NALCN: variants seen among roughly 807,000 people sequenced by gnomAD.
NALCN encodes the protein sodium leak channel NALCN.
NALCN carries 111 observed loss-of-function variants against 225.3 expected under a neutral mutation model. The observed-to-expected ratio is 0.49, with a 90% CI of 0.42 to 0.58. The LOEUF (loss-of-function observed/expected upper bound fraction) is 0.58, where lower values mean the gene tolerates loss of function less well. Ranked by LOEUF, NALCN falls within the 20% of genes least tolerant of loss-of-function variation. NALCN has a pLI of 0.00. For synonymous variants in NALCN, 764 were observed against 769.0 expected, an observed-to-expected ratio of 0.99 and a Z score of 0.11; for missense variants, 1,378 against 2,202.4, an observed-to-expected ratio of 0.63 and a Z score of 7.49.
chr13:101,066,854 A>G (rs1265516373), intron 39 of NALCN, among the ~76,000 whole-genome samples: 2 of 151,994 alleles, frequency 1.3e-5, no homozygotes, highest in Non-Finnish European at 2.9e-5. Flanking sequence ...AACTATTTCC[A>G]GATCTCGCCC....
chr13:101,280,704 C>T (rs932984505), intron 10 of NALCN, among the ~76,000 whole-genome samples: 7 of 152,088 alleles, frequency 4.6e-5, no homozygotes, highest in Admixed American at 4.6e-4. Flanking sequence ...GGCTAGGAGC[C>T]ATAAGACCCA....
intron 7 of NALCN, among the ~76,000 whole-genome samples, chr13:101,344,928 A>C (rs1244806381): frequency 6.6e-6 from 1 of 152,192 alleles, no homozygotes; most frequent in Non-Finnish European, 1.5e-5. Context: ...TATGAAAGGA[A>C]ACCAAATTTT....
chr13:101,345,166 C>T, intron 7 of NALCN, 100 bp downstream of exon 7: 1 of 1,224,222 alleles, frequency 8.2e-7, no homozygotes, highest in South Asian at 1.5e-5. Context: ...TTCTATACTA[C>T]AGCCAGTCAA....
At chr13:101,201,734 A>G (rs549162597) in intron 13 of NALCN, among the ~76,000 whole-genome samples, 79 of 152,192 alleles carry the variant, frequency 5.2e-4, no homozygotes, top group Non-Finnish European at 1.1e-3. Context: ...AAAATGTTAA[A>G]ATGTGGTGGG....
chr13:101,164,363 C>G (rs1452142654), intron 15 of NALCN, among the ~76,000 whole-genome samples: 1 of 152,150 alleles, frequency 6.6e-6, no homozygotes, highest in African/African-American at 2.4e-5. Context: ...ACAATCACAG[C>G]TCACTGCAGC....
intron 7 of NALCN, among the ~76,000 whole-genome samples, chr13:101,308,245 C>T (rs542116941): frequency 1.1e-4 from 16 of 152,260 alleles, no homozygotes; most frequent in East Asian, 3.9e-4. Flanking sequence ...TCTTCCTGGG[C>T]GCATGGCTGC....
intron 28 of NALCN, among the ~76,000 whole-genome samples, chr13:101,090,549 G>A (rs1165083316): frequency 6.6e-6 from 1 of 152,072 alleles, no homozygotes; most frequent in African/African-American, 2.4e-5. Flanking sequence ...GGCAAGAGGT[G>A]TTTGCTTGTA....
At chr13:101,304,758 CTT>C (rs769247590) in intron 7 of NALCN, among the ~76,000 whole-genome samples, 6 of 122,800 alleles carry the variant, frequency 4.9e-5, no homozygotes, top group Non-Finnish European at 6.5e-5. Flanking sequence ...TTTTTCTTTT[CTT>C]TTTTTTTTTT....
intron 12 of NALCN, among the ~76,000 whole-genome samples, chr13:101,232,578 T>A (rs1429197093): frequency 6.6e-6 from 1 of 151,840 alleles, no homozygotes; most frequent in Non-Finnish European, 1.5e-5. Context: ...CCCGAGTAGC[T>A]GGGACTACAG....
chr13:101,083,372 A>G (rs771409111), intron 31 of NALCN, among the ~76,000 whole-genome samples, 174 bp from the exon 32 acceptor site: 2 of 152,224 alleles, frequency 1.3e-5, no homozygotes, highest in Non-Finnish European at 2.9e-5. Flanking sequence ...TCAAAACGAC[A>G]GTGCATGATG....
At position 101,292,461 on chromosome 13, in the gene NALCN, T is replaced by A. The variant is rs1252226530; in HGVS notation, c.800-95A>T. On this transcript the variant is annotated intron_variant, in intron 7 of 43. Coordinates refer to ENST00000251127, the MANE Select transcript of NALCN (RefSeq NM_052867.4). This position sits in a 1 kb window ranked among gnomAD's most constrained non-coding sequence, Gnocchi z 4.3. ...ACAATCAATATTTATCCATACTTAT[T>A]TTCTCAATGACAAAAGTGCTTCAAA... is the stretch of plus-strand genomic sequence containing the variant. 1.2e-5 allele frequency: 16 copies of A among 1,295,964 alleles called. No homozygotes were observed. Among genetic ancestry groups the A allele is most frequent in the Non-Finnish European group, 1.7e-5 (16 of 957,988 alleles). 80.3% of individuals were successfully genotyped at this position (1,295,964 alleles called of 1,614,324 possible).
chr13:101,271,615 G>A (rs2042778119), intron 10 of NALCN, among the ~76,000 whole-genome samples: 1 of 151,866 alleles, frequency 6.6e-6, no homozygotes, highest in South Asian at 2.1e-4. Context: ...GTGTGTGAGT[G>A]TATGTGTGTG....
chr13:101,289,549 T>TATATATATATAC (rs1491392183), intron 9 of NALCN, among the ~76,000 whole-genome samples: 7 of 81,096 alleles, frequency 8.6e-5, no homozygotes, highest in African/African-American at 1.8e-4. Context: ...TATATATATA[T>TATATATATATAC]ACACATATTT....
intron 34 of NALCN, 25 bp downstream of exon 34, chr13:101,081,502 A>C: frequency 6.2e-7 from 1 of 1,613,486 alleles, no homozygotes; most frequent in Non-Finnish European, 8.5e-7. Context: ...TAATCAGCTG[A>C]AATCAACTTG....
At chr13:101,295,482 G>A (rs2043711642) in intron 7 of NALCN, among the ~76,000 whole-genome samples, 1 of 152,078 alleles carries the variant, frequency 6.6e-6, no homozygotes, top group Non-Finnish European at 1.5e-5. Context: ...CCCTCTCCCT[G>A]TCCAGATCTT....
chr13:101,124,547 A>T, intron 18 of NALCN, 61 bp downstream of exon 18: 2 of 1,425,740 alleles, frequency 1.4e-6, no homozygotes, highest in Non-Finnish European at 2.0e-6. Context: ...TCAAAAAGCT[A>T]TTTTTCGATT....
chr13:101,251,856 C>T (rs530324178), intron 11 of NALCN, among the ~76,000 whole-genome samples: 1 of 152,274 alleles, frequency 6.6e-6, no homozygotes, highest in East Asian at 1.9e-4. Flanking sequence ...TCTCAGCGAA[C>T]TAGCACCTTG....
At chr13:101,373,927 T>C (rs528673402) in intron 6 of NALCN, among the ~76,000 whole-genome samples, 2 of 152,192 alleles carry the variant, frequency 1.3e-5, no homozygotes, top group African/African-American at 2.4e-5. Flanking sequence ...ATAATAAATA[T>C]GTAAAGATTT....
At chr13:101,340,352 T>A (rs960046305) in intron 7 of NALCN, among the ~76,000 whole-genome samples, 1 of 152,166 alleles carries the variant, frequency 6.6e-6, no homozygotes, top group African/African-American at 2.4e-5. Context: ...GCATAGTTAA[T>A]GTCTGTAAAC....
Sources: allele counts gnomAD v4.1 joint callset (sites outside exome capture counted in the v4.1 genomes callset), GRCh38; gene constraint gnomAD v4.1.1; non-coding constraint Gnocchi (gnomAD v3.1); transcripts MANE v1.5; gene names NCBI Gene and HGNC (gene_info 2026-07-23, HGNC 2026-07-21).